Variants in SIK2 observed in about 807,000 individuals in gnomAD.
SIK2 encodes the protein salt inducible kinase 2.
A neutral mutation model predicts 103.2 loss-of-function variants in SIK2; 29 were observed. The ratio of observed to expected loss-of-function variants is 0.28; its 90% CI spans 0.21 to 0.38. The LOEUF (loss-of-function observed/expected upper bound fraction) is 0.38. Among genes scored for constraint, SIK2 ranks in the 10% least tolerant of loss-of-function variants. The probability of loss-of-function intolerance (pLI) is 1.00; values close to 1 mark genes in which losing one functional copy is unlikely to be tolerated. For synonymous variants in SIK2, 412 were observed against 446.1 expected (o/e 0.92, Z 0.96); for missense variants, 879 against 1,171.0 (o/e 0.75, Z 3.64).
intron 4 of SIK2, among the ~76,000 whole-genome samples, chr11:111,700,682 C>T (rs1943192156): frequency 6.6e-6 from 1 of 152,176 alleles, no homozygotes; most frequent in African/African-American, 2.4e-5. Context: ...TTCATTTACA[C>T]ATTCATTCAG....
chr11:111,710,865 G>A (rs552994260), intron 8 of SIK2, among the ~76,000 whole-genome samples: 15 of 152,286 alleles, frequency 9.8e-5, no homozygotes, highest in Non-Finnish European at 1.8e-4. Flanking sequence ...CCTTTGATTT[G>A]TTTGAGTTTA....
intron 3 of SIK2, among the ~76,000 whole-genome samples, chr11:111,621,734 G>T (rs902391537): frequency 2.0e-5 from 3 of 152,006 alleles, no homozygotes; most frequent in Non-Finnish European, 4.4e-5. Flanking sequence ...GGCCAACATG[G>T]TGAAACCCCT....
intron 3 of SIK2, among the ~76,000 whole-genome samples, chr11:111,633,198 G>T (rs144044907): frequency 1.3e-5 from 2 of 152,156 alleles, no homozygotes; most frequent in African/African-American, 4.8e-5. Context: ...TGAAGTTCCA[G>T]CTCTTCAGTC....
intron 3 of SIK2, 119 bp downstream of exon 3, chr11:111,620,521 T>G (rs768013442): frequency 3.1e-6 from 2 of 635,586 alleles, no homozygotes; most frequent in Non-Finnish European, 5.4e-6. Context: ...GAAAAAAAAT[T>G]AAGTGTTAGA....
intron 3 of SIK2, among the ~76,000 whole-genome samples, chr11:111,635,666 A>G (rs1300110104): frequency 1.3e-5 from 2 of 152,254 alleles, no homozygotes; most frequent in East Asian, 3.8e-4. Flanking sequence ...TTTAAACTTC[A>G]TATGTTTGGA....
At chr11:111,659,587 T>G (rs936954907) in intron 3 of SIK2, among the ~76,000 whole-genome samples, 2 of 151,292 alleles carry the variant, frequency 1.3e-5, no homozygotes, top group African/African-American at 4.9e-5. Context: ...CCTCCGTCGC[T>G]TATTCCTTTT....
intron 3 of SIK2, among the ~76,000 whole-genome samples, chr11:111,653,422 G>A (rs1413923007): frequency 6.6e-6 from 1 of 152,128 alleles, no homozygotes. Flanking sequence ...TTCAGCTTTG[G>A]CACCAACTTC....
In SIK2 at chr11:111,602,845, C is replaced by T. The variant is rs1941601939; in HGVS notation, c.135+147C>T. 5.8e-6 allele frequency: 7 copies of T among 1,206,258 alleles called. No homozygotes were observed. Among genetic ancestry groups the T allele is most frequent in the Non-Finnish European group, 7.6e-6 (7 of 926,290 alleles). 74.7% of individuals were successfully genotyped at this position (1,206,258 alleles called of 1,614,324 possible). ...GCGAGCGGGCCTGGGACTGTGAGGA[C>T]CCAGGAGGTGCAGGGGGTCGGTGAG... On this transcript the variant is annotated intron_variant, in intron 1 of 14. Transcript: ENST00000304987. This position sits in a 1 kb window ranked among gnomAD's most constrained non-coding sequence, Gnocchi z 4.5.
chr11:111,730,532 T>C lies in SIK2; in HGVS notation c.*6403T>C, dbSNP rs1431875957. On this transcript the variant is annotated 3_prime_UTR_variant, in exon 15 of 15. Transcript: ENST00000304987. ...GGGAGGTGGGTGGTTTTGCTGGATG[T>C]TTGGTCTGAAAGAGTTACTTTTGAT... The C allele has an allele frequency of 1.3e-5, 2 of 152,210 alleles. No homozygotes were observed. Among genetic ancestry groups the C allele is most frequent in the African/African-American group, 4.8e-5 (2 of 41,452 alleles). The allele number at this position is 152,210 out of a possible 1,614,324, so 9.4% of individuals were successfully genotyped here. A position where few individuals can be genotyped will look rare whatever the true frequency, so the allele number is the denominator to read the frequency against.
chr11:111,605,871 A>G (rs1941642459), intron 1 of SIK2, among the ~76,000 whole-genome samples: 1 of 152,202 alleles, frequency 6.6e-6, no homozygotes, highest in African/African-American at 2.4e-5. Context: ...CTGAAGTGGT[A>G]TTGTGTTAGA....
chr11:111,726,957 C>A lies in SIK2; in HGVS notation c.*2828C>A, dbSNP rs1943989014. On this transcript the variant is annotated 3_prime_UTR_variant, in exon 15 of 15. Coordinates refer to ENST00000304987, the MANE Select transcript of SIK2 (RefSeq NM_015191.3). Reference sequence around the variant, plus strand: ...TATTTTTTATGTTCTTTTTTTAAATCTGGGGTATTAGTCTGTGCTTTGGGA... The same window carrying A: ...TATTTTTTATGTTCTTTTTTTAAATATGGGGTATTAGTCTGTGCTTTGGGA... 2 of 1,612,016 alleles carry A rather than the reference C, an allele frequency of 1.2e-6. No homozygotes were observed. The highest frequency in any genetic ancestry group is 1.7e-6 in the Non-Finnish European group (2 of 1,178,516).
rs1384759395 is a variant in SIK2 at position 111,724,378 on chromosome 11, G to A, written c.*249G>A. 3.7e-6 allele frequency: 2 copies of A among 536,500 alleles called. No individual in the cohort carries two copies. The highest frequency in any genetic ancestry group is 6.6e-6 in the Non-Finnish European group (2 of 302,508). 33.2% of individuals were successfully genotyped at this position (536,500 alleles called of 1,614,324 possible). On this transcript the variant is annotated 3_prime_UTR_variant, in exon 15 of 15. Coordinates refer to ENST00000304987, the MANE Select transcript of SIK2 (RefSeq NM_015191.3). ...GCTGAGGCTCCTGCCCTTCGGTCGAGTGGAGCAAGCTCTCGAGGGCAGCAC... is the reference window on the plus strand; with the variant it reads ...GCTGAGGCTCCTGCCCTTCGGTCGAATGGAGCAAGCTCTCGAGGGCAGCAC...
At chr11:111,637,524 A>G (rs1238265054) in intron 3 of SIK2, among the ~76,000 whole-genome samples, 2 of 149,878 alleles carry the variant, frequency 1.3e-5, no homozygotes, top group Non-Finnish European at 3.0e-5. Flanking sequence ...CGGTGGCACA[A>G]TCTTGGCTCA....
At position 111,705,187 on chromosome 11, in the gene SIK2, C is replaced by A. The variant is rs781570444; in HGVS notation, c.1101+48C>A. 4.8e-6 allele frequency: 7 copies of A among 1,471,994 alleles called. No homozygotes were observed. The highest frequency in any genetic ancestry group is 6.3e-6 in the Non-Finnish European group (7 of 1,117,610). 91.2% of individuals were successfully genotyped at this position (1,471,994 alleles called of 1,614,324 possible). On this transcript the variant is annotated intron_variant, in intron 8 of 14. Transcript: ENST00000304987. This position sits in a 1 kb window ranked among gnomAD's most constrained non-coding sequence, Gnocchi z 4.3. ...TCTTATCTGTGCATGTGCCTGTTCA[C>A]ATGTTTGATACATTTTTCATCTTAT...
intron 3 of SIK2, among the ~76,000 whole-genome samples, chr11:111,633,687 C>G (rs890144793): frequency 2.0e-5 from 3 of 152,128 alleles, no homozygotes. Flanking sequence ...CTTCTAACTC[C>G]CACACCTCCC....
rs202004466 is a variant in SIK2 at position 111,721,813 on chromosome 11, A to G, written c.1945-17A>G. On this transcript the variant is annotated splice_polypyrimidine_tract_variant and intron_variant, in intron 12 of 14. Coordinates refer to ENST00000304987, the MANE Select transcript of SIK2 (RefSeq NM_015191.3). Reference sequence around the variant, plus strand: ...CCATGGGGAATTGAAAATTGTTTCCACCCCCTTGCTCCTCAGGAAGAAGTT... The same window carrying G: ...CCATGGGGAATTGAAAATTGTTTCCGCCCCCTTGCTCCTCAGGAAGAAGTT... The G allele has an allele frequency of 1.3e-6, 2 of 1,581,166 alleles. No homozygotes were observed. The highest frequency in any genetic ancestry group is 4.5e-5 in the East Asian group (2 of 44,246).
intron 8 of SIK2, among the ~76,000 whole-genome samples, chr11:111,708,559 T>G (rs886199839): frequency 2.6e-5 from 4 of 152,066 alleles, no homozygotes; most frequent in African/African-American, 9.7e-5. Context: ...TCTCATACAT[T>G]CTAACCACTA....
At chr11:111,663,140 G>A (rs1282333349) in intron 3 of SIK2, among the ~76,000 whole-genome samples, 1 of 151,728 alleles carries the variant, frequency 6.6e-6, no homozygotes, top group Non-Finnish European at 1.5e-5. Flanking sequence ...AGGCTGAGGT[G>A]GGAGGATCAC....
rs1217289929 is a variant in SIK2 at position 111,722,870 on chromosome 11, T to A, written c.2147+114T>A. The A allele has an allele frequency of 1.1e-6, 1 of 946,426 alleles. No homozygotes were observed. The highest frequency in any genetic ancestry group is 1.6e-5 in the African/African-American group (1 of 60,778). 58.6% of individuals were successfully genotyped at this position (946,426 alleles called of 1,614,324 possible). ...GCCACTACTAGGAAAATAGGTTTTCTGCGTGTGTCACAGGCCCTCTGAGCA... is the reference window on the plus strand; with the variant it reads ...GCCACTACTAGGAAAATAGGTTTTCAGCGTGTGTCACAGGCCCTCTGAGCA... On this transcript the variant is annotated intron_variant, in intron 14 of 14. Transcript: ENST00000304987. This position sits in a 1 kb window ranked among gnomAD's most constrained non-coding sequence, Gnocchi z 4.4.
Sources: gnomAD v4.1 joint callset for allele counts (sites outside exome capture counted in the v4.1 genomes callset) on GRCh38, gnomAD v4.1.1 for gene constraint, Gnocchi (gnomAD v3.1) non-coding constraint, MANE v1.5 for transcripts, NCBI Gene and HGNC (gene_info 2026-07-23, HGNC 2026-07-21) for gene names.